TSBP1: variants seen among roughly 807,000 people sequenced by gnomAD.
TSBP1 encodes the protein testis expressed basic protein 1.
TSBP1 carries 56 observed loss-of-function variants against 68.8 expected under a neutral mutation model. The ratio of observed to expected loss-of-function variants is 0.81; its 90% CI spans 0.66 to 1.02. TSBP1 has a LOEUF of 1.02. Among genes scored for constraint, TSBP1 ranks in the 50% least tolerant of loss-of-function variants. The pLI, the probability that TSBP1 is intolerant of heterozygous loss-of-function variation, is 0.00. For missense variants in TSBP1, 502 were observed against 641.2 expected, an observed-to-expected ratio of 0.78 and a Z score of 2.34; for synonymous variants, 171 against 208.7, an observed-to-expected ratio of 0.82 and a Z score of 1.56.
intron 6 of TSBP1, among the ~76,000 whole-genome samples, chr6:32,359,268 TAA>T (rs1270253312): frequency 6.6e-6 from 1 of 152,106 alleles, no homozygotes; most frequent in African/African-American, 2.4e-5. Context: ...ACCAACAGTG[TAA>T]AAGTGTTCCT....
At chr6:32,349,861 T>C (rs1299171999) in intron 8 of TSBP1, 101 bp from the exon 9 acceptor site, 3 of 1,262,292 alleles carry the variant, frequency 2.4e-6, no homozygotes, top group Admixed American at 1.7e-5. Context: ...GAAAAGAGGA[T>C]AGAAATGAGT....
intron 4 of TSBP1, among the ~76,000 whole-genome samples, chr6:32,367,031 C>A (rs1773819887): frequency 6.8e-6 from 1 of 148,094 alleles, no homozygotes; most frequent in African/African-American, 2.5e-5. Flanking sequence ...CCTCAACTCT[C>A]AGGGATCTAT....
intron 2 of TSBP1, 44 bp downstream of exon 2, chr6:32,369,853 G>A (rs2273017): frequency 0.58 from 699,739 of 1,213,680 alleles, 206,252 homozygotes; most frequent in Middle Eastern, 0.64. Context: ...CCCTCCCTCC[G>A]TGGTTTTCAC....
At position 32,315,756 on chromosome 6, in the gene TSBP1, G is replaced by A; in HGVS notation, c.580+16C>T. The A allele has an allele frequency of 1.3e-6, 2 of 1,496,594 alleles. No homozygotes were observed. The highest frequency in any genetic ancestry group is 1.8e-6 in the Non-Finnish European group (2 of 1,112,592). 92.7% of individuals were successfully genotyped at this position (1,496,594 alleles called of 1,614,324 possible). A position where few individuals can be genotyped will look rare whatever the true frequency, so the allele number is the denominator to read the frequency against. On this transcript the variant is annotated intron_variant, in intron 19 of 22. Transcript: ENST00000612031. The surrounding 1 kb of genome is among the most constrained non-coding windows in gnomAD (Gnocchi z 5.4). ...TAAATCTCCACATATGACCAGCTGA[G>A]AAATAAAGAACTTACTTGCAGTTCT...
At chr6:32,296,383 T>C (rs1413550670) in intron 22 of TSBP1, among the ~76,000 whole-genome samples, 1 of 152,232 alleles carries the variant, frequency 6.6e-6, no homozygotes, top group Non-Finnish European at 1.5e-5. Flanking sequence ...TTAGGAAAAT[T>C]ACAGTAATGT....
At chr6:32,369,285 AT>A (rs9279610) in intron 2 of TSBP1, among the ~76,000 whole-genome samples, 52 of 141,412 alleles carry the variant, frequency 3.7e-4, no homozygotes, top group South Asian at 6.7e-4. Flanking sequence ...TCTCACTTCT[AT>A]TTTTTTTTTT....
chr6:32,346,716 T>C (rs1264346330), intron 9 of TSBP1, among the ~76,000 whole-genome samples: 1 of 152,150 alleles, frequency 6.6e-6, no homozygotes, highest in African/African-American at 2.4e-5. Context: ...TGCACGCCTG[T>C]AATCCCAGCT....
chr6:32,360,110 A>G (rs1772826184), intron 6 of TSBP1, among the ~76,000 whole-genome samples: 1 of 152,154 alleles, frequency 6.6e-6, no homozygotes, highest in Non-Finnish European at 1.5e-5. Context: ...TATAGTCACC[A>G]TGCTGTACAT....
Position 32,365,060 on chromosome 6 carries a change from A to ATTT in TSBP1, c.217+1104_217+1106dup, listed in dbSNP as rs140033884. 0.012 allele frequency among the ~76,000 whole-genome samples: 1,748 copies of ATTT among 145,474 alleles called. 45 individuals are homozygous for ATTT. The highest frequency in any genetic ancestry group is 0.087 in the East Asian group (425 of 4,910). ...AGGTGTGCACCGCCACATCCAACTGATTTTTTTTTTTTTTAGAGACGGAGT... is the reference window on the plus strand; with the variant it reads ...AGGTGTGCACCGCCACATCCAACTGATTTTTTTTTTTTTTTTTAGAGACGGAGT... On this transcript the variant is annotated intron_variant, in intron 6 of 22. Transcript: ENST00000612031. The surrounding 1 kb of genome is among the most constrained non-coding windows in gnomAD (Gnocchi z 4.3).
chr6:32,297,838 C>T (rs750331790), intron 22 of TSBP1, among the ~76,000 whole-genome samples: 7 of 151,886 alleles, frequency 4.6e-5, no homozygotes, highest in Non-Finnish European at 8.8e-5. Context: ...ATGGGAGGAT[C>T]GCTTGAGGCC....
intron 14 of TSBP1, among the ~76,000 whole-genome samples, chr6:32,332,641 A>C (rs1170946197): frequency 2.0e-5 from 3 of 151,956 alleles, no homozygotes. Flanking sequence ...ATAAGGTCTC[A>C]CTCTGTCACC....
In TSBP1 at chr6:32,316,228, T is replaced by C. The variant is rs1766933892; in HGVS notation, c.560-436A>G. ...TGTTCAGTTTATTACTGATGAATCC[T>C]AGCTTAGTCCCTCTTTTAATTAGTG... On this transcript the variant is annotated intron_variant, in intron 18 of 22. Coordinates refer to ENST00000612031, the Ensembl canonical transcript of TSBP1. This position sits in a 1 kb window ranked among gnomAD's most constrained non-coding sequence, Gnocchi z 4.5. Among the ~76,000 whole-genome samples, 1 of 152,254 alleles carries C rather than the reference T, an allele frequency of 6.6e-6. No homozygotes were observed. The highest frequency in any genetic ancestry group is 6.5e-5 in the Admixed American group (1 of 15,290).
In TSBP1 at chr6:32,361,066, T is replaced by G. The variant is rs1272474155; in HGVS notation, c.217+5101A>C. Among the ~76,000 whole-genome samples the G allele has an allele frequency of 6.6e-6, 1 of 152,094 alleles. No individual in the cohort carries two copies. The highest frequency in any genetic ancestry group is 1.5e-5 in the Non-Finnish European group (1 of 68,018). ...CGCAACAGGCCCCAGTGTGTGATGT[T>G]CCCCACCCTGTGTCCAAGTGTTCTC... On this transcript the variant is annotated intron_variant, in intron 6 of 22. Transcript: ENST00000612031. The surrounding 1 kb of genome is among the most constrained non-coding windows in gnomAD (Gnocchi z 4.3).
intron 19 of TSBP1, among the ~76,000 whole-genome samples, chr6:32,309,226 A>G (rs1766119566): frequency 6.6e-6 from 1 of 151,960 alleles, no homozygotes; most frequent in Non-Finnish European, 1.5e-5. Flanking sequence ...CAGGGCTTAT[A>G]GGTGTGAACC....
chr6:32,354,559 A>G (rs1772069422), intron 8 of TSBP1, among the ~76,000 whole-genome samples: 1 of 152,178 alleles, frequency 6.6e-6, no homozygotes, highest in African/African-American at 2.4e-5. Flanking sequence ...CAATGTGAAC[A>G]CTAATCCTAC....
rs147358179 is a variant in TSBP1 at position 32,343,330 on chromosome 6, C to T, written c.350-3692G>A. The T allele has an allele frequency of 6.8e-3, 6,390 of 940,902 alleles. 120 individuals carry two copies. Among genetic ancestry groups the T allele is most frequent in the South Asian group, 0.019 (685 of 36,426 alleles). 58.3% of individuals were successfully genotyped at this position (940,902 alleles called of 1,614,324 possible). On this transcript the variant is annotated intron_variant, in intron 9 of 22. Coordinates refer to ENST00000612031, the Ensembl canonical transcript of TSBP1. The surrounding 1 kb of genome is among the most constrained non-coding windows in gnomAD (Gnocchi z 4.3). ...TCCATCAATTTCCCAAAAGTCTTCC[C>T]AGAAATAGTGTCCTCCCTCAGGTTA...
chr6:32,371,620 G>A (rs1774433854), intron 1 of TSBP1, 74 bp downstream of exon 1: 3 of 1,031,146 alleles, frequency 2.9e-6, no homozygotes, highest in Non-Finnish European at 4.5e-6. Context: ...TTGTGTTAAA[G>A]TCCCTAAGTC....
At chr6:32,334,804 C>T (rs535438861) in intron 14 of TSBP1, among the ~76,000 whole-genome samples, 1 of 152,194 alleles carries the variant, frequency 6.6e-6, no homozygotes, top group East Asian at 1.9e-4. Flanking sequence ...GAGGCTGAGG[C>T]GGGCGGATCA....
chr6:32,322,968 C>T lies in TSBP1; in HGVS notation c.559+149G>A, dbSNP rs962150158. On this transcript the variant is annotated intron_variant, in intron 18 of 22. Coordinates refer to ENST00000612031, the Ensembl canonical transcript of TSBP1. ...TATTGTTGATGAATGCTAGCTTAGT[C>T]CCACTTTTAATTAGTATTTTAAAAA... The T allele has an allele frequency of 6.9e-6, 4 of 583,722 alleles. No individual in the cohort carries two copies. In the African/African-American group the frequency reaches 7.6e-5, roughly 11 times the overall value. The allele number at this position is 583,722 out of a possible 1,614,324, so 36.2% of individuals were successfully genotyped here.
Sources: gnomAD v4.1 joint callset for allele counts (sites outside exome capture counted in the v4.1 genomes callset) on GRCh38, gnomAD v4.1.1 for gene constraint, Gnocchi (gnomAD v3.1) non-coding constraint, MANE v1.5 for transcripts, NCBI Gene and HGNC (gene_info 2026-07-23, HGNC 2026-07-21) for gene names.